The following NLRP13 variants were observed in gnomAD, a reference collection of about 807,000 sequenced individuals.
The protein encoded by NLRP13 is NLR family pyrin domain containing 13, also known as NACHT, LRR and PYD domains-containing protein 13.
NLRP13 carries 82 observed loss-of-function variants against 94.4 expected under a neutral mutation model. The observed-to-expected ratio is 0.87, with a 90% CI of 0.73 to 1.04. The LOEUF (loss-of-function observed/expected upper bound fraction) is 1.04. Ranked by LOEUF, NLRP13 falls within the 50% of genes least tolerant of loss-of-function variation. The pLI, the probability that NLRP13 is intolerant of heterozygous loss-of-function variation, is 0.00. For missense variants in NLRP13, 1,426 were observed against 1,230.8 expected, an observed-to-expected ratio of 1.16 and a Z score of -2.37; for synonymous variants, 553 against 464.7, an observed-to-expected ratio of 1.19 and a Z score of -2.45.
intron 3 of NLRP13, 145 bp from the exon 4 acceptor site, chr19:55,924,124 T>C (rs779190858): frequency 1.6e-5 from 10 of 643,816 alleles, no homozygotes; most frequent in Non-Finnish European, 2.7e-5. Context: ...CAGTTTATAT[T>C]TTTTATTTAT....
At chr19:55,895,670 G>A (rs534778815), downstream of NLRP13, among the ~76,000 whole-genome samples, 35 of 152,220 alleles carry the variant, frequency 2.3e-4, no homozygotes, top group South Asian at 8.3e-4. Flanking sequence ...GTGACAGAGC[G>A]AGACACTGTC....
Position 55,932,277 on chromosome 19 carries a change from C to A in NLRP13, c.35G>T (p.Gly12Val). The A allele has an allele frequency of 6.2e-7, 1 of 1,610,024 alleles. No homozygotes were observed. Among genetic ancestry groups the A allele is most frequent in the Non-Finnish European group, 8.5e-7 (1 of 1,179,024 alleles). ...GTAAGGCAGAAGCCCTTGGTTGGTA[C>A]CACCGTTGGGGCAGGTGATTACAGA... is the stretch of plus-strand genomic sequence containing the variant. ...NFSVITCPNG[G>V]TNQGLLPYLM... Residue 12 changes from glycine (G) to valine (V), a missense_variant, in exon 1 of 11, where the codon GGT (glycine) becomes GTT (valine). Transcript: ENST00000342929.
chr19:55,928,933 T>C (rs1389099187), intron 1 of NLRP13, among the ~76,000 whole-genome samples: 1 of 151,606 alleles, frequency 6.6e-6, no homozygotes. Context: ...AACTTAAATT[T>C]ACAAGAAAAA....
At chr19:55,893,385 T>C (rs1000193901), downstream of NLRP13, among the ~76,000 whole-genome samples, 1 of 151,570 alleles carries the variant, frequency 6.6e-6, no homozygotes, top group African/African-American at 2.4e-5. Context: ...TGAAACTCCA[T>C]CTCAAAAAAA....
At chr19:55,908,527 C>T (rs953992082) in intron 6 of NLRP13, among the ~76,000 whole-genome samples, 3 of 152,158 alleles carry the variant, frequency 2.0e-5, no homozygotes, top group Non-Finnish European at 4.4e-5. Context: ...AACCTAAATT[C>T]TCATCAATGA....
Position 55,931,479 on chromosome 19 carries a change from C to T in NLRP13, c.319+514G>A, listed in dbSNP as rs1987132088. On this transcript the variant is annotated intron_variant, in intron 1 of 10. Transcript: ENST00000342929. ...ATCCCAGTGCTTTGGGAGGTCGAGG[C>T]GAGCAGATCACGAGGTCAGGAGATT... Among the ~76,000 whole-genome samples the T allele has an allele frequency of 2.6e-5, 4 of 151,708 alleles. No homozygotes were observed. In the South Asian group the frequency reaches 6.2e-4, roughly 24 times the overall value.
chr19:55,911,975 C>G lies in NLRP13; in HGVS notation c.1842G>C (p.Glu614Asp), dbSNP rs759824276. 6.2e-7 allele frequency: 1 copy of G among 1,614,180 alleles called. No individual in the cohort carries two copies. The highest frequency in any genetic ancestry group is 8.5e-7 in the Non-Finnish European group (1 of 1,180,030). ...ACTCTTCTCCCCACTTTAATAATTC[C>G]TCCATTACCCTGGGAGATATTTTAC... ...LHCKISPRVMEELLKWGEELG... is the reference protein window; with the variant it reads ...LHCKISPRVMDELLKWGEELG... The change falls in exon 5 of 11, where the codon GAG (glutamate) becomes GAC (aspartate). Residue 614 changes from glutamate to aspartate, a missense_variant. Transcript: ENST00000342929.
intron 4 of NLRP13, among the ~76,000 whole-genome samples, chr19:55,920,385 C>G (rs1600275052): frequency 1.3e-5 from 2 of 152,048 alleles, no homozygotes; most frequent in Admixed American, 6.6e-5. Context: ...AACAGATAAC[C>G]TGCAGGATAG....
intron 6 of NLRP13, among the ~76,000 whole-genome samples, chr19:55,908,990 T>A (rs1387011713): frequency 6.6e-6 from 1 of 152,196 alleles, no homozygotes; most frequent in African/African-American, 2.4e-5. Context: ...CCCAATACAC[T>A]GAGGTTTGAG....
chr19:55,905,908 G>A (rs1986332615), intron 7 of NLRP13, among the ~76,000 whole-genome samples: 1 of 152,148 alleles, frequency 6.6e-6, no homozygotes, highest in Non-Finnish European at 1.5e-5. Context: ...TAATTTAATA[G>A]AATCCAGTTG....
At chr19:55,908,429 C>T (rs1198057002) in intron 6 of NLRP13, among the ~76,000 whole-genome samples, 3 of 152,044 alleles carry the variant, frequency 2.0e-5, no homozygotes, top group Non-Finnish European at 4.4e-5. Context: ...GGGTATATGC[C>T]CAAAGGAACG....
At chr19:55,921,970 A>C (rs561444711) in intron 4 of NLRP13, among the ~76,000 whole-genome samples, 1 of 152,354 alleles carries the variant, frequency 6.6e-6, no homozygotes, top group South Asian at 2.1e-4. Context: ...TAGGTAATTT[A>C]TAAAGAAAAA....
At chr19:55,926,657 C>T (rs1217125310) in intron 1 of NLRP13, among the ~76,000 whole-genome samples, 1 of 152,266 alleles carries the variant, frequency 6.6e-6, no homozygotes, top group East Asian at 1.9e-4. Context: ...TAATTATGCA[C>T]TTAAGTCAAT....
chr19:55,895,488 G>A (rs1985982251), downstream of NLRP13, among the ~76,000 whole-genome samples: 1 of 152,106 alleles, frequency 6.6e-6, no homozygotes. Flanking sequence ...TTCAAGACCA[G>A]CCTGGCCACT....
intron 9 of NLRP13, among the ~76,000 whole-genome samples, chr19:55,900,760 A>G (rs1203770675): frequency 6.9e-6 from 1 of 144,134 alleles, no homozygotes; most frequent in East Asian, 2.1e-4. Flanking sequence ...TGAGTGACAG[A>G]ACAAGACTCC....
At chr19:55,911,564 A>T in intron 5 of NLRP13, 142 bp downstream of exon 5, 1 of 755,218 alleles carries the variant, frequency 1.3e-6, no homozygotes, top group Non-Finnish European at 2.2e-6. Context: ...CATTCTTTCA[A>T]GTTAGAGCTG....
Position 55,922,488 on chromosome 19 carries a change from C to T in NLRP13, c.523+1426G>A, listed in dbSNP as rs978721680. ...AGCTACAGGCACACACCACCATGCC[C>T]GGCTAATTTTTGTATTTTTAGTATA... is the stretch of plus-strand genomic sequence containing the variant. On this transcript the variant is annotated intron_variant, in intron 4 of 10. Coordinates refer to ENST00000342929, the MANE Select transcript of NLRP13 (RefSeq NM_176810.2). Among the ~76,000 whole-genome samples the T allele has an allele frequency of 2.8e-4, 42 of 151,980 alleles. 1 individual carries two copies. Among genetic ancestry groups the T allele is most frequent in the Admixed American group, 2.4e-3 (37 of 15,246 alleles).
Position 55,915,165 on chromosome 19 carries a change from T to C in NLRP13, c.524-1872A>G, listed in dbSNP as rs187436753. Among the ~76,000 whole-genome samples the C allele has an allele frequency of 2.0e-5, 3 of 152,296 alleles. No individual in the cohort carries two copies. In the East Asian group the frequency reaches 5.8e-4, roughly 29 times the overall value. On this transcript the variant is annotated intron_variant, in intron 4 of 10. Transcript: ENST00000342929. Reference sequence around the variant, plus strand: ...AATGTAACTGTAGTTAATAACAGTGTGTTATATAGTTCAACACTTCAGAAA... The same window carrying C: ...AATGTAACTGTAGTTAATAACAGTGCGTTATATAGTTCAACACTTCAGAAA...
intron 6 of NLRP13, 33 bp downstream of exon 6, chr19:55,910,530 T>C: frequency 6.5e-7 from 1 of 1,528,298 alleles, no homozygotes; most frequent in Non-Finnish European, 8.9e-7. Context: ...TCTCCTAGGG[T>C]ATCTTCTTGA....
Sources: gnomAD v4.1 joint callset for allele counts (sites outside exome capture counted in the v4.1 genomes callset) on GRCh38, gnomAD v4.1.1 for gene constraint, MANE v1.5 for transcripts, NCBI Gene and HGNC (gene_info 2026-07-23, HGNC 2026-07-21) for gene names.